Variants in CSMD1 observed in about 807,000 individuals in gnomAD.
CSMD1 encodes CUB and sushi domain-containing protein 1.
In CSMD1, 213 loss-of-function variants were observed where a neutral mutation model predicts 417.5. The ratio of observed to expected loss-of-function variants is 0.51; its 90% CI spans 0.46 to 0.57. The LOEUF (loss-of-function observed/expected upper bound fraction) is 0.57, where lower values mean the gene tolerates loss of function less well. CSMD1 is among the 20% of genes least tolerant of loss of function. The pLI is 0.00. For synonymous variants in CSMD1, 2,862 were observed against 1,736.8 expected, an observed-to-expected ratio of 1.65 and a Z score of -16.11; for missense variants, 6,923 against 4,529.7, an observed-to-expected ratio of 1.53 and a Z score of -15.17.
At chr8:3,861,947 A>T (rs957017715) in intron 5 of CSMD1, among the ~76,000 whole-genome samples, 5 of 152,066 alleles carry the variant, frequency 3.3e-5, no homozygotes, top group Non-Finnish European at 5.9e-5. Context: ...CAATCTTTGT[A>T]CCCTGGTTTA....
rs78111370 is a variant in CSMD1, at chr8:3,520,816, G to C, written c.1345-27090C>G. ...CATCTGTAGAGGAAATCTCCACTAG[G>C]AAACATCAACACCTCAAATACAACC... On this transcript the variant is annotated intron_variant, in intron 10 of 69. Coordinates refer to ENST00000635120, the MANE Select transcript of CSMD1 (RefSeq NM_033225.6). 3.6e-4 allele frequency among the ~76,000 whole-genome samples: 55 copies of C among 152,116 alleles called. 1 individual carries two copies. In the East Asian group the frequency reaches 0.01, roughly 28 times the overall value.
intron 2 of CSMD1, among the ~76,000 whole-genome samples, chr8:4,458,188 T>C (rs1377000840): frequency 6.6e-6 from 1 of 152,180 alleles, no homozygotes; most frequent in Non-Finnish European, 1.5e-5. Flanking sequence ...AATATCAAAA[T>C]GATACTAATC....
At chr8:3,641,252 T>C (rs115666010) in intron 7 of CSMD1, among the ~76,000 whole-genome samples, 2,506 of 152,180 alleles carry the variant, frequency 0.016, 72 homozygotes, top group African/African-American at 0.054. Flanking sequence ...CATGGGTCCC[T>C]GAGCAAATCC....
At chr8:4,460,055 C>T (rs541085701) in intron 2 of CSMD1, among the ~76,000 whole-genome samples, 12 of 152,202 alleles carry the variant, frequency 7.9e-5, no homozygotes, top group Admixed American at 4.6e-4. Context: ...CAGCCAATAA[C>T]AGAATATTGT....
At chr8:4,450,063 C>T (rs182956994) in intron 2 of CSMD1, among the ~76,000 whole-genome samples, 14 of 152,290 alleles carry the variant, frequency 9.2e-5, no homozygotes, top group Non-Finnish European at 1.8e-4. Context: ...TCTCCCGGAC[C>T]AAGGACTTCC....
At chr8:3,198,648 G>T (rs538283576) in intron 33 of CSMD1, among the ~76,000 whole-genome samples, 1 of 152,064 alleles carries the variant, frequency 6.6e-6, no homozygotes, top group Non-Finnish European at 1.5e-5. Context: ...TGATCTAATT[G>T]CTGAAAACTG....
chr8:4,836,230 A>G (rs1800482286), intron 1 of CSMD1, among the ~76,000 whole-genome samples: 1 of 152,220 alleles, frequency 6.6e-6, no homozygotes, highest in African/African-American at 2.4e-5. Flanking sequence ...AGATAGGTTA[A>G]TTAACTACCA....
At chr8:4,114,512 A>G (rs1168393123) in intron 3 of CSMD1, among the ~76,000 whole-genome samples, 2 of 152,204 alleles carry the variant, frequency 1.3e-5, no homozygotes, top group Non-Finnish European at 2.9e-5. Flanking sequence ...TCCATTCTGC[A>G]GCCCATGGAT....
At chr8:4,047,318 G>C (rs916655925) in intron 3 of CSMD1, among the ~76,000 whole-genome samples, 13 of 152,134 alleles carry the variant, frequency 8.5e-5, no homozygotes, top group Admixed American at 3.3e-4. Flanking sequence ...GGAATATTCT[G>C]AAAACAAAAT....
chr8:4,504,771 T>C (rs1438805072), intron 2 of CSMD1, among the ~76,000 whole-genome samples: 3 of 152,166 alleles, frequency 2.0e-5, no homozygotes, highest in Non-Finnish European at 4.4e-5. Context: ...CTGAGAATGA[T>C]GGTTTCCAGC....
chr8:4,774,864 C>G (rs367922830), intron 1 of CSMD1, among the ~76,000 whole-genome samples: 3 of 152,110 alleles, frequency 2.0e-5, no homozygotes, highest in African/African-American at 7.2e-5. Context: ...CCTTGTTTAC[C>G]TTCCGCCATG....
chr8:3,973,192 T>C (rs1009401151), intron 5 of CSMD1, among the ~76,000 whole-genome samples: 6 of 152,182 alleles, frequency 3.9e-5, no homozygotes, highest in African/African-American at 1.4e-4. Flanking sequence ...TTACCTTAAA[T>C]GGTGGTGCTG....
intron 25 of CSMD1, among the ~76,000 whole-genome samples, chr8:3,288,830 T>C (rs550432957): frequency 6.8e-6 from 1 of 147,512 alleles, no homozygotes; most frequent in South Asian, 2.1e-4. Context: ...TCTTTTATTT[T>C]ATTTTATTAT....
At chr8:4,484,446 T>C (rs541080452) in intron 2 of CSMD1, among the ~76,000 whole-genome samples, 1 of 152,084 alleles carries the variant, frequency 6.6e-6, no homozygotes, top group African/African-American at 2.4e-5. Flanking sequence ...TTTTCCTTCT[T>C]TATTTCAGTC....
intron 3 of CSMD1, among the ~76,000 whole-genome samples, chr8:4,390,180 G>A (rs972366500): frequency 2.6e-5 from 4 of 152,174 alleles, no homozygotes; most frequent in Non-Finnish European, 5.9e-5. Flanking sequence ...TGCATTTCCT[G>A]AGTCTGGCTG....
At chr8:4,304,063 C>A (rs1798122346) in intron 3 of CSMD1, among the ~76,000 whole-genome samples, 1 of 152,098 alleles carries the variant, frequency 6.6e-6, no homozygotes, top group African/African-American at 2.4e-5. Context: ...GATCACAAAG[C>A]CTCGATGAAA....
intron 9 of CSMD1, among the ~76,000 whole-genome samples, chr8:3,585,002 T>C (rs180963796): frequency 2.6e-4 from 39 of 152,302 alleles, no homozygotes; most frequent in Middle Eastern, 3.4e-3. Flanking sequence ...GGACCAGAGA[T>C]TGCTGACTCT....
At chr8:3,442,623 TTGTG>T (rs985552053) in intron 12 of CSMD1, among the ~76,000 whole-genome samples, 18 of 152,316 alleles carry the variant, frequency 1.2e-4, no homozygotes, top group African/African-American at 4.3e-4. Context: ...CAATCTGGGT[TTGTG>T]TAAGTGCACT....
chr8:4,606,949 C>T (rs1213437490), intron 2 of CSMD1, among the ~76,000 whole-genome samples: 1 of 152,272 alleles, frequency 6.6e-6, no homozygotes, highest in East Asian at 1.9e-4. Flanking sequence ...ATAATTCATC[C>T]TTTTCTTTTG....
Sources: allele counts gnomAD v4.1 joint callset (sites outside exome capture counted in the v4.1 genomes callset), GRCh38; gene constraint gnomAD v4.1.1; transcripts MANE v1.5; gene names NCBI Gene and HGNC (gene_info 2026-07-23, HGNC 2026-07-21).